The following PCCA variants were observed in gnomAD, a reference collection of about 807,000 sequenced individuals.
The protein encoded by PCCA is propionyl-CoA carboxylase subunit alpha.
A neutral mutation model predicts 101.3 loss-of-function variants in PCCA; 74 were observed. The ratio of observed to expected loss-of-function variants is 0.73; its 90% CI spans 0.61 to 0.89. The LOEUF (loss-of-function observed/expected upper bound fraction) is 0.89, where lower values mean the gene tolerates loss of function less well. Ranked by LOEUF, PCCA falls within the 40% of genes least tolerant of loss-of-function variation. PCCA has a pLI of 0.00. For missense variants in PCCA, 891 were observed against 907.0 expected (o/e 0.98, Z 0.23); for synonymous variants, 294 against 313.6 (o/e 0.94, Z 0.66).
chr13:100,287,053 A>G (rs1016109438), intron 12 of PCCA, among the ~76,000 whole-genome samples: 1 of 151,888 alleles, frequency 6.6e-6, no homozygotes, highest in Non-Finnish European at 1.5e-5. Flanking sequence ...ATTTTATTTT[A>G]TTTTCCAATG....
chr13:100,211,423 T>A (rs1260721999), intron 7 of PCCA, among the ~76,000 whole-genome samples: 1 of 152,218 alleles, frequency 6.6e-6, no homozygotes, highest in Non-Finnish European at 1.5e-5. Flanking sequence ...CTCTTCCCTT[T>A]GTTAAATCAA....
At chr13:100,486,013 G>C (rs941309121) in intron 21 of PCCA, among the ~76,000 whole-genome samples, 1 of 152,204 alleles carries the variant, frequency 6.6e-6, no homozygotes, top group Non-Finnish European at 1.5e-5. Context: ...GTTGGCCTCT[G>C]CCCACTGGGG....
At chr13:100,173,923 T>A (rs1035169952) in intron 6 of PCCA, among the ~76,000 whole-genome samples, 1 of 152,216 alleles carries the variant, frequency 6.6e-6, no homozygotes, top group African/African-American at 2.4e-5. Flanking sequence ...ATGCCTTTAC[T>A]CCGCCTTCAC....
chr13:100,503,555 T>C (rs555486169), intron 21 of PCCA, among the ~76,000 whole-genome samples: 40 of 152,144 alleles, frequency 2.6e-4, no homozygotes, highest in African/African-American at 9.6e-4. Context: ...TGTTTAAAAG[T>C]CTACAGTGAG....
chr13:100,475,792 C>T (rs1287937512), intron 21 of PCCA, among the ~76,000 whole-genome samples: 1 of 152,186 alleles, frequency 6.6e-6, no homozygotes, highest in African/African-American at 2.4e-5. Context: ...CTTCCCACAT[C>T]CTCACTGACA....
chr13:100,433,593 G>C (rs1385082785), intron 20 of PCCA, among the ~76,000 whole-genome samples: 1 of 151,864 alleles, frequency 6.6e-6, no homozygotes, highest in African/African-American at 2.4e-5. Flanking sequence ...TTGCTACCAG[G>C]TAATAAACAA....
intron 1 of PCCA, among the ~76,000 whole-genome samples, chr13:100,093,275 A>G (rs903656809): frequency 1.3e-5 from 2 of 152,190 alleles, no homozygotes; most frequent in Non-Finnish European, 2.9e-5. Flanking sequence ...TAGAGTTAGA[A>G]CTGTGAGCCC....
At chr13:100,356,435 A>C (rs2073963267) in intron 18 of PCCA, among the ~76,000 whole-genome samples, 1 of 152,174 alleles carries the variant, frequency 6.6e-6, no homozygotes, top group Admixed American at 6.5e-5. Flanking sequence ...GTTAAAAGAT[A>C]GGCAAAGGAC....
At chr13:100,327,536 T>C (rs1416650399) in intron 16 of PCCA, among the ~76,000 whole-genome samples, 1 of 152,270 alleles carries the variant, frequency 6.6e-6, no homozygotes, top group Non-Finnish European at 1.5e-5. Flanking sequence ...TATTAACCTT[T>C]GTATGTAAGT....
At chr13:100,452,871 T>A (rs1392746509) in intron 21 of PCCA, among the ~76,000 whole-genome samples, 2 of 151,966 alleles carry the variant, frequency 1.3e-5, no homozygotes, top group East Asian at 3.9e-4. Context: ...AATTGGCCAA[T>A]GTAGGACCTG....
chr13:100,497,461 ATTTTTTT>A (rs760521573), intron 21 of PCCA, among the ~76,000 whole-genome samples: 1 of 142,660 alleles, frequency 7.0e-6, no homozygotes, highest in Non-Finnish European at 1.5e-5. Context: ...AGCCAATTTA[ATTTTTTT>A]TTTTTTTTTT....
chr13:100,412,226 G>T lies in PCCA; in HGVS notation c.1747-13407G>T, dbSNP rs556270184. ...ACATCAGGAAGTTACTATTACTCCAGTATTGCCATCTAGTTCACAGACTCT... is the reference window on the plus strand; with the variant it reads ...ACATCAGGAAGTTACTATTACTCCATTATTGCCATCTAGTTCACAGACTCT... On this transcript the variant is annotated intron_variant, in intron 19 of 23. Coordinates refer to ENST00000376285, the MANE Select transcript of PCCA (RefSeq NM_000282.4). Among the ~76,000 whole-genome samples the T allele has an allele frequency of 3.3e-5, 5 of 152,302 alleles. No individual in the cohort carries two copies. In the East Asian group the frequency reaches 9.7e-4, roughly 29 times the overall value.
chr13:100,465,277 C>T (rs2152947990), intron 21 of PCCA, among the ~76,000 whole-genome samples: 1 of 152,270 alleles, frequency 6.6e-6, no homozygotes, highest in South Asian at 2.1e-4. Context: ...TTTGGAAAGT[C>T]AATACCAAAA....
At chr13:100,463,468 G>T (rs1285117355) in intron 21 of PCCA, among the ~76,000 whole-genome samples, 1 of 150,334 alleles carries the variant, frequency 6.7e-6, no homozygotes, top group Non-Finnish European at 1.5e-5. Context: ...ATAATTCTGA[G>T]ATTTCTAGAG....
intron 4 of PCCA, among the ~76,000 whole-genome samples, chr13:100,148,394 A>G (rs1175665195): frequency 6.6e-6 from 1 of 152,002 alleles, no homozygotes; most frequent in East Asian, 1.9e-4. Flanking sequence ...ATCCAGCCAT[A>G]TGTACAGTCC....
At chr13:100,343,495 TGAA>T (rs2071708565) in intron 18 of PCCA, among the ~76,000 whole-genome samples, 1 of 152,132 alleles carries the variant, frequency 6.6e-6, no homozygotes, top group East Asian at 1.9e-4. Flanking sequence ...AAATAACATG[TGAA>T]GAGACAGAAA....
intron 4 of PCCA, among the ~76,000 whole-genome samples, chr13:100,152,180 G>C (rs1210657054): frequency 6.6e-6 from 1 of 152,094 alleles, no homozygotes; most frequent in Non-Finnish European, 1.5e-5. Context: ...CTAGACTGTG[G>C]GCTTGTTGAG....
intron 4 of PCCA, among the ~76,000 whole-genome samples, chr13:100,152,960 T>A (rs1414823865): frequency 6.6e-6 from 1 of 152,230 alleles, no homozygotes. Context: ...CATAAACACA[T>A]GTGCCTATGT....
At chr13:100,240,732 A>G (rs2061074251) in intron 8 of PCCA, among the ~76,000 whole-genome samples, 1 of 152,182 alleles carries the variant, frequency 6.6e-6, no homozygotes, top group Non-Finnish European at 1.5e-5. Context: ...TTTACCACTT[A>G]TCTGTTCATA....
Sources: gnomAD v4.1 joint callset for allele counts (sites outside exome capture counted in the v4.1 genomes callset) on GRCh38, gnomAD v4.1.1 for gene constraint, MANE v1.5 for transcripts, NCBI Gene and HGNC (gene_info 2026-07-23, HGNC 2026-07-21) for gene names.